MAGI1: variants seen among roughly 807,000 people sequenced by gnomAD.
MAGI1 encodes the protein membrane associated guanylate kinase, WW and PDZ domain containing 1.
In MAGI1, 58 loss-of-function variants were observed where a neutral mutation model predicts 139.9. That is an observed-to-expected ratio of 0.41 (90% CI 0.34 to 0.52). MAGI1 has a LOEUF of 0.52. MAGI1 is among the 20% of genes least tolerant of loss of function. The probability of loss-of-function intolerance (pLI) is 0.12; values close to 1 mark genes in which losing one functional copy is unlikely to be tolerated. For synonymous variants in MAGI1, 812 were observed against 737.9 expected (o/e 1.10, Z -1.63); for missense variants, 1,874 against 1,901.6 (o/e 0.99, Z 0.27).
intron 2 of MAGI1, among the ~76,000 whole-genome samples, chr3:65,584,290 A>G (rs2081573741): frequency 6.6e-6 from 1 of 152,156 alleles, no homozygotes; most frequent in South Asian, 2.1e-4. Flanking sequence ...ACCCTGCCAA[A>G]GTCAGCAATT....
At chr3:65,838,094 G>A (rs762742989) in intron 1 of MAGI1, among the ~76,000 whole-genome samples, 8 of 152,064 alleles carry the variant, frequency 5.3e-5, no homozygotes, top group Non-Finnish European at 8.8e-5. Context: ...ATAAAGGTTT[G>A]TGTAACCACC....
At chr3:65,700,656 G>T (rs1016000061) in intron 1 of MAGI1, among the ~76,000 whole-genome samples, 9 of 152,016 alleles carry the variant, frequency 5.9e-5, no homozygotes, top group Non-Finnish European at 1.0e-4. Flanking sequence ...TCCTAATGTT[G>T]TGATTTTTTT....
chr3:65,812,045 G>A (rs1276501371), intron 1 of MAGI1, among the ~76,000 whole-genome samples: 1 of 151,870 alleles, frequency 6.6e-6, no homozygotes, highest in Non-Finnish European at 1.5e-5. Flanking sequence ...GGGAGAGGAG[G>A]TAATCTCATG....
intron 1 of MAGI1, among the ~76,000 whole-genome samples, chr3:65,738,524 T>C (rs531652365): frequency 3.3e-5 from 5 of 152,310 alleles, no homozygotes; most frequent in Admixed American, 1.3e-4. Context: ...TTCCAGAAGA[T>C]TTTCAACTTA....
chr3:65,524,526 AG>A (rs1458588131), intron 2 of MAGI1, among the ~76,000 whole-genome samples: 1 of 152,190 alleles, frequency 6.6e-6, no homozygotes, highest in Non-Finnish European at 1.5e-5. Context: ...CAAATATGGA[AG>A]GGTTTCAGTG....
chr3:65,361,686 C>G (rs1358529509), intron 21 of MAGI1, among the ~76,000 whole-genome samples: 2 of 152,210 alleles, frequency 1.3e-5, no homozygotes, highest in Non-Finnish European at 2.9e-5. Flanking sequence ...CGTCAAGTGA[C>G]TTGCTTCTAA....
At chr3:65,892,754 T>C (rs1443715615) in intron 1 of MAGI1, among the ~76,000 whole-genome samples, 1 of 152,124 alleles carries the variant, frequency 6.6e-6, no homozygotes, top group Admixed American at 6.5e-5. Flanking sequence ...CCCATTATTT[T>C]AAAAAATGCA....
At chr3:65,588,975 C>T (rs1312284477) in intron 2 of MAGI1, among the ~76,000 whole-genome samples, 2 of 152,118 alleles carry the variant, frequency 1.3e-5, no homozygotes, top group Non-Finnish European at 2.9e-5. Flanking sequence ...TATCCTTAAA[C>T]TTATATTCTA....
chr3:65,689,861 G>A (rs2107554400), intron 1 of MAGI1, among the ~76,000 whole-genome samples: 1 of 152,288 alleles, frequency 6.6e-6, no homozygotes, highest in African/African-American at 2.4e-5. Flanking sequence ...TTTTTCACAA[G>A]CCAGCAAGCT....
chr3:65,938,623 A>C (rs1228362633), intron 1 of MAGI1, among the ~76,000 whole-genome samples: 1 of 152,164 alleles, frequency 6.6e-6, no homozygotes, highest in Non-Finnish European at 1.5e-5. Context: ...GAATAAAATA[A>C]ATTAAAATAA....
chr3:65,843,218 T>C (rs2058869054), intron 1 of MAGI1, among the ~76,000 whole-genome samples: 1 of 152,308 alleles, frequency 6.6e-6, no homozygotes, highest in Admixed American at 6.5e-5. Context: ...CTGGATCCTT[T>C]TTCCTAGAAG....
At chr3:65,674,966 A>C (rs1000670697) in intron 1 of MAGI1, among the ~76,000 whole-genome samples, 7 of 152,182 alleles carry the variant, frequency 4.6e-5, no homozygotes, top group Non-Finnish European at 1.5e-5. Flanking sequence ...TTCCCAACAG[A>C]CAGGAGAGAG....
At chr3:65,754,871 T>A (rs921215392) in intron 1 of MAGI1, among the ~76,000 whole-genome samples, 32 of 152,196 alleles carry the variant, frequency 2.1e-4, no homozygotes, top group Non-Finnish European at 1.5e-5. Context: ...AAGTTATCTT[T>A]CATACAAAGA....
In MAGI1 at chr3:65,798,304, AAAAC is replaced by A. The variant is rs549833908; in HGVS notation, c.314-176220_314-176217del. Among the ~76,000 whole-genome samples the A allele has an allele frequency of 3.5e-3, 526 of 151,442 alleles. 3 individuals are homozygous for A. Among genetic ancestry groups the A allele is most frequent in the Middle Eastern group, 6.8e-3 (2 of 292 alleles). ...GGGCAACAAAGCGAGACTCCATCTC[AAAAC>A]AAACAAACAAACAAACAAACAAACA... On this transcript the variant is annotated intron_variant, in intron 1 of 22. Coordinates refer to ENST00000402939, the MANE Select transcript of MAGI1 (RefSeq NM_001033057.2).
chr3:65,773,464 T>C (rs1452609590), intron 1 of MAGI1, among the ~76,000 whole-genome samples: 2 of 151,942 alleles, frequency 1.3e-5, no homozygotes, highest in African/African-American at 4.8e-5. Context: ...GCCTGGGAGG[T>C]GGAGTTTGCA....
At chr3:65,446,294 T>A (rs1051886659) in intron 7 of MAGI1, among the ~76,000 whole-genome samples, 2 of 152,196 alleles carry the variant, frequency 1.3e-5, no homozygotes, top group African/African-American at 4.8e-5. Context: ...GCTACTCTTT[T>A]GGCCCCTCTT....
chr3:65,649,951 T>C (rs1444705670), intron 1 of MAGI1, among the ~76,000 whole-genome samples: 1 of 152,168 alleles, frequency 6.6e-6, no homozygotes, highest in Non-Finnish European at 1.5e-5. Flanking sequence ...GGTAGTTTCT[T>C]AAATACCTAA....
At chr3:65,645,618 T>C (rs578090082) in intron 1 of MAGI1, among the ~76,000 whole-genome samples, 1 of 151,780 alleles carries the variant, frequency 6.6e-6, no homozygotes, top group African/African-American at 2.4e-5. Flanking sequence ...ATGAAAAGAG[T>C]AAAAGTACAA....
intron 1 of MAGI1, among the ~76,000 whole-genome samples, chr3:65,730,395 T>A (rs11920487): frequency 0.047 from 7,194 of 152,216 alleles, 375 homozygotes; most frequent in African/African-American, 0.13. Flanking sequence ...AAGCAACATA[T>A]CCTCATTTAA....
Sources: gnomAD v4.1 joint callset for allele counts (sites outside exome capture counted in the v4.1 genomes callset) on GRCh38, gnomAD v4.1.1 for gene constraint, MANE v1.5 for transcripts, NCBI Gene and HGNC (gene_info 2026-07-23, HGNC 2026-07-21) for gene names.